DNAI1: variants seen among roughly 807,000 people sequenced by gnomAD.
DNAI1 encodes dynein axonemal intermediate chain 1.
A neutral mutation model predicts 92.0 loss-of-function variants in DNAI1; 67 were observed. That is an observed-to-expected ratio of 0.73 (90% confidence interval 0.60 to 0.89). The LOEUF (loss-of-function observed/expected upper bound fraction) is 0.89, where lower values mean the gene tolerates loss of function less well. DNAI1 is among the 40% of genes least tolerant of loss of function. The pLI is 0.00. For synonymous variants in DNAI1, 323 were observed against 319.6 expected (o/e 1.01, Z -0.11); for missense variants, 839 against 866.6 (o/e 0.97, Z 0.40).
intron 2 of DNAI1, among the ~76,000 whole-genome samples, chr9:34,484,649 A>G (rs751107402): frequency 9.9e-5 from 15 of 152,240 alleles, no homozygotes; most frequent in Non-Finnish European, 1.9e-4. Context: ...CCAAGGACCT[A>G]ATGGGACTGT....
intron 18 of DNAI1, among the ~76,000 whole-genome samples, chr9:34,516,556 C>T (rs1214229643): frequency 6.6e-6 from 1 of 152,024 alleles, no homozygotes; most frequent in Non-Finnish European, 1.5e-5. Context: ...CTGGCTCTGC[C>T]ACTTACTAGC....
chr9:34,518,826 T>C (rs1825216998), intron 19 of DNAI1, among the ~76,000 whole-genome samples: 1 of 147,372 alleles, frequency 6.8e-6, no homozygotes, highest in Non-Finnish European at 1.5e-5. Context: ...ATAGTTTCAG[T>C]TCCCCTCAGA....
chr9:34,489,432 G>A lies in DNAI1; in HGVS notation c.371G>A (p.Arg124His), dbSNP rs759257177. The change falls in exon 5 of 20, where the codon CGC becomes CAC. Residue 124 changes from arginine to histidine, a missense_variant. By Grantham distance (29) the Arg-to-His change is conservative (BLOSUM62 0). Coordinates refer to ENST00000242317, the MANE Select transcript of DNAI1 (RefSeq NM_012144.4). ...GATGAAGGACGGCGGCAGCATTACC[G>A]CGATGAATTAGTGGCAGGTAGGACT... ...DSDEGRRQHY[R>H]DELVAGSQES... is the part of the protein sequence containing the mutation. 1.8e-5 allele frequency: 29 copies of A among 1,613,746 alleles called. No individual in the cohort carries two copies. The highest frequency in any genetic ancestry group is 1.1e-4 in the African/African-American group (8 of 74,908).
At chr9:34,508,379 G>T (rs116182225) in intron 13 of DNAI1, among the ~76,000 whole-genome samples, 1 of 152,174 alleles carries the variant, frequency 6.6e-6, no homozygotes, top group Non-Finnish European at 1.5e-5. Context: ...CCTGCCATAC[G>T]CCCTCCCCGG....
intron 1 of DNAI1, among the ~76,000 whole-genome samples, chr9:34,465,131 C>T (rs559592556): frequency 1.3e-5 from 2 of 152,152 alleles, no homozygotes; most frequent in South Asian, 4.2e-4. Flanking sequence ...TTGGAAAGGA[C>T]AATTTCAGAG....
Position 34,507,896 on chromosome 9 carries a change from C to T in DNAI1, c.1311+1022C>T, listed in dbSNP as rs147423218. Among the ~76,000 whole-genome samples, 328 of 152,344 alleles carry T rather than the reference C, an allele frequency of 2.2e-3. 1 individual carries two copies. The highest frequency in any genetic ancestry group is 2.4e-3 in the Non-Finnish European group (163 of 68,034). On this transcript the variant is annotated intron_variant, in intron 13 of 19. Transcript: ENST00000242317. ...GTCTGACACCAACCTGGAACCATTA[C>T]CTCGACATTGGGGCTGGATTTCACC... is the stretch of plus-strand genomic sequence containing the variant.
At chr9:34,462,397 C>T (rs537312534) in intron 1 of DNAI1, among the ~76,000 whole-genome samples, 8 of 152,304 alleles carry the variant, frequency 5.3e-5, no homozygotes, top group African/African-American at 1.2e-4. Context: ...CCCTCATATT[C>T]TTCTACAAAG....
chr9:34,478,854 C>T (rs1306145958), intron 1 of DNAI1: 1 of 152,256 alleles, frequency 6.6e-6, no homozygotes, highest in Admixed American at 6.5e-5. Flanking sequence ...CTTTTCATAA[C>T]ACTATTCCCT....
intron 9 of DNAI1, among the ~76,000 whole-genome samples, chr9:34,494,334 G>A (rs1014075332): frequency 2.6e-5 from 4 of 152,178 alleles, no homozygotes; most frequent in African/African-American, 9.7e-5. Flanking sequence ...TGGCTTTATA[G>A]GAACTGTCCC....
At chr9:34,511,990 T>C in intron 13 of DNAI1, 119 bp from the exon 14 acceptor site, 2 of 853,804 alleles carry the variant, frequency 2.3e-6, no homozygotes, top group South Asian at 1.3e-5. Flanking sequence ...TTCTGGGAAA[T>C]GGGCTCCCAG....
At chr9:34,465,810 GA>G (rs1824028809) in intron 1 of DNAI1, among the ~76,000 whole-genome samples, 1 of 152,248 alleles carries the variant, frequency 6.6e-6, no homozygotes, top group African/African-American at 2.4e-5. Flanking sequence ...TGCCAGTTAG[GA>G]ATTTGTATCA....
intron 2 of DNAI1, among the ~76,000 whole-genome samples, chr9:34,484,007 G>T (rs1031574713): frequency 6.6e-6 from 1 of 152,134 alleles, no homozygotes; most frequent in African/African-American, 2.4e-5. Context: ...CTTGAGGTCA[G>T]GAGTTCGAGA....
At chr9:34,505,009 A>G (rs1233112806) in intron 12 of DNAI1, among the ~76,000 whole-genome samples, 1 of 152,086 alleles carries the variant, frequency 6.6e-6, no homozygotes, top group African/African-American at 2.4e-5. Context: ...AAAAAGTGCC[A>G]TCTATGGGAG....
chr9:34,481,634 A>G (rs892470064), intron 1 of DNAI1, among the ~76,000 whole-genome samples: 1 of 151,970 alleles, frequency 6.6e-6, no homozygotes, highest in African/African-American at 2.4e-5. Flanking sequence ...ATGTGTTCCG[A>G]GTTTCTTCCT....
Position 34,493,250 on chromosome 9 carries a change from G to C in DNAI1, c.738G>C (p.Glu246Asp). Residue 246 changes from glutamate (E) to aspartate (D), a missense_variant, in exon 9 of 20, where the codon GAG (glutamate) becomes GAC (aspartate). Glu to Asp is a conservative substitution (Grantham distance 45). Transcript: ENST00000242317. ...TTGAGAAGCAGGAAAAGACCAAAGA[G>C]AAGGAGAAGGCAAAGACCCCAGTGG... is the stretch of plus-strand genomic sequence containing the variant. ...EELEKQEKTK[E>D]KEKAKTPVAK... is the part of the protein sequence containing the mutation. The C allele has an allele frequency of 2.5e-6, 4 of 1,614,210 alleles. No individual in the cohort carries two copies. Among genetic ancestry groups the C allele is most frequent in the Non-Finnish European group, 2.5e-6 (3 of 1,180,034 alleles).
intron 16 of DNAI1, among the ~76,000 whole-genome samples, chr9:34,514,062 A>ACTCAG (rs1427406055): frequency 1.3e-5 from 2 of 152,088 alleles, no homozygotes; most frequent in Non-Finnish European, 2.9e-5. Flanking sequence ...ACCACACCTC[A>ACTCAG]CTCAGGGCCT....
At position 34,467,942 on chromosome 9, in the gene DNAI1, C is replaced by A. The variant is rs576772747; in HGVS notation, c.48+8889C>A. Among the ~76,000 whole-genome samples, 14 of 152,176 alleles carry A rather than the reference C, an allele frequency of 9.2e-5. No homozygotes were observed. The East Asian group carries it at 2.3e-3, about 25-fold the overall frequency. On this transcript the variant is annotated intron_variant, in intron 1 of 19. Transcript: ENST00000242317. ...AGATCCAAAGGAGAGCATGATAGTA[C>A]CAGGGAGTAACACAGATGTTGGAAT...
intron 5 of DNAI1, 139 bp from the exon 6 acceptor site, chr9:34,489,873 G>A (rs1477628367): frequency 6.1e-6 from 8 of 1,321,930 alleles, no homozygotes; most frequent in Non-Finnish European, 8.3e-6. Context: ...CCAATAGCTG[G>A]TTGTCCTGAA....
chr9:34,483,171 C>G (rs1200848652), intron 1 of DNAI1, among the ~76,000 whole-genome samples: 1 of 152,240 alleles, frequency 6.6e-6, no homozygotes, highest in East Asian at 1.9e-4. Flanking sequence ...TTCCACACCT[C>G]CCTGCAAGCT....
Sources: allele counts gnomAD v4.1 joint callset (sites outside exome capture counted in the v4.1 genomes callset), GRCh38; gene constraint gnomAD v4.1.1; transcripts MANE v1.5; gene names NCBI Gene and HGNC (gene_info 2026-07-23, HGNC 2026-07-21).